The following BCL2L13 variants were observed in gnomAD, a reference collection of about 807,000 sequenced individuals.
The protein encoded by BCL2L13 is bcl-2-like protein 13.
Under a neutral mutation model 25.8 loss-of-function variants are expected in BCL2L13, and 13 were observed. That is an observed-to-expected ratio of 0.50 (90% CI 0.33 to 0.80). BCL2L13 has a LOEUF of 0.80. Among genes scored for constraint, BCL2L13 ranks in the 30% least tolerant of loss-of-function variants. The probability of loss-of-function intolerance (pLI) is 0.02; values close to 1 mark genes in which losing one functional copy is unlikely to be tolerated. For synonymous variants in BCL2L13, 244 were observed against 230.3 expected, an observed-to-expected ratio of 1.06 and a Z score of -0.54; for missense variants, 504 against 574.9, an observed-to-expected ratio of 0.88 and a Z score of 1.26.
At chr22:17,715,384 G>A (rs1416710543) in intron 6 of BCL2L13, among the ~76,000 whole-genome samples, 1 of 150,008 alleles carries the variant, frequency 6.7e-6, no homozygotes, top group Non-Finnish European at 1.5e-5. Flanking sequence ...ATCTCACTGT[G>A]TCACCCAGGG....
intron 2 of BCL2L13, among the ~76,000 whole-genome samples, chr22:17,658,380 G>A (rs1053576612): frequency 1.3e-5 from 2 of 152,062 alleles, no homozygotes; most frequent in Non-Finnish European, 1.5e-5. Context: ...ATTACCAGAG[G>A]TTTTTCTTAG....
chr22:17,690,837 A>T (rs900689778), intron 4 of BCL2L13, among the ~76,000 whole-genome samples: 1 of 152,156 alleles, frequency 6.6e-6, no homozygotes. Context: ...AAATATAAAT[A>T]TGGAGAGAAG....
At chr22:17,673,393 A>G (rs1343307907) in intron 2 of BCL2L13, among the ~76,000 whole-genome samples, 2 of 131,028 alleles carry the variant, frequency 1.5e-5, no homozygotes, top group East Asian at 4.3e-4. Context: ...ACAGAGCCTC[A>G]CTCCGTCACT....
At chr22:17,720,668 A>ATTT (rs752609758) in intron 6 of BCL2L13, among the ~76,000 whole-genome samples, 1 of 138,330 alleles carries the variant, frequency 7.2e-6, no homozygotes, top group Non-Finnish European at 1.6e-5. Context: ...CCCGGCCTTA[A>ATTT]TTTTTTTTTT....
intron 5 of BCL2L13, among the ~76,000 whole-genome samples, chr22:17,701,445 A>G (rs902971208): frequency 4.6e-5 from 7 of 152,220 alleles, no homozygotes; most frequent in African/African-American, 1.4e-4. Flanking sequence ...AGACATATAT[A>G]TATGTGTATA....
chr22:17,639,254 G>C (rs1246349833), intron 1 of BCL2L13, among the ~76,000 whole-genome samples: 3 of 152,124 alleles, frequency 2.0e-5, no homozygotes, highest in Non-Finnish European at 4.4e-5. Flanking sequence ...ACTTCTTTTT[G>C]GTTGAGGGAA....
chr22:17,651,981 C>T (rs925153935), intron 1 of BCL2L13, among the ~76,000 whole-genome samples: 2 of 152,078 alleles, frequency 1.3e-5, no homozygotes, highest in Admixed American at 6.6e-5. Context: ...TGAGCCACCA[C>T]CCCTGACTTC....
chr22:17,631,130 A>T (rs889566465), intron 1 of BCL2L13, among the ~76,000 whole-genome samples: 3 of 150,152 alleles, frequency 2.0e-5, no homozygotes, highest in Non-Finnish European at 4.4e-5. Flanking sequence ...GAGACAGAAG[A>T]GTGTCGCTCA....
chr22:17,696,834 A>G (rs1239566338), intron 5 of BCL2L13, among the ~76,000 whole-genome samples: 1 of 152,138 alleles, frequency 6.6e-6, no homozygotes, highest in Non-Finnish European at 1.5e-5. Context: ...CATGTTGCTT[A>G]TCTATTATCT....
At chr22:17,660,245 C>T (rs539650121) in intron 2 of BCL2L13, among the ~76,000 whole-genome samples, 22 of 146,418 alleles carry the variant, frequency 1.5e-4, no homozygotes, top group African/African-American at 4.4e-4. Context: ...GGTTTATTTC[C>T]GGATTTTTTT....
chr22:17,729,035 T>G lies in BCL2L13; in HGVS notation c.*1501T>G, dbSNP rs1218494276. On this transcript the variant is annotated 3_prime_UTR_variant, in exon 7 of 7. Coordinates refer to ENST00000317582, the MANE Select transcript of BCL2L13 (RefSeq NM_015367.4). ...CGTCACTATGCAGGGCACACGTGGC[T>G]TGGTTTAAAAAGGTCATCTTAGATT... The G allele has an allele frequency of 1.3e-5, 2 of 152,256 alleles. No homozygotes were observed. Among genetic ancestry groups the G allele is most frequent in the African/African-American group, 2.4e-5 (1 of 41,470 alleles). 9.4% of individuals were successfully genotyped at this position (152,256 alleles called of 1,614,324 possible).
chr22:17,684,937 T>TTAC (rs1471912468), intron 3 of BCL2L13, among the ~76,000 whole-genome samples: 2 of 152,122 alleles, frequency 1.3e-5, no homozygotes, highest in Admixed American at 1.3e-4. Context: ...TTTCAGCGTG[T>TTAC]TAGCCAGGAT....
chr22:17,679,527 C>T (rs1226578709), intron 2 of BCL2L13, among the ~76,000 whole-genome samples: 1 of 151,782 alleles, frequency 6.6e-6, no homozygotes, highest in Non-Finnish European at 1.5e-5. Flanking sequence ...GCCTTGGCCT[C>T]CTGAAGTGCT....
chr22:17,701,080 G>A (rs1227071765), intron 5 of BCL2L13, among the ~76,000 whole-genome samples: 3 of 151,822 alleles, frequency 2.0e-5, no homozygotes, highest in African/African-American at 4.8e-5. Flanking sequence ...TGAATACTTA[G>A]TTTTTTTCAA....
chr22:17,724,301 A>T (rs1376387406), intron 6 of BCL2L13, among the ~76,000 whole-genome samples: 1 of 152,192 alleles, frequency 6.6e-6, no homozygotes, highest in Non-Finnish European at 1.5e-5. Context: ...AATCTTATCT[A>T]GTCAGTCATC....
At chr22:17,651,453 C>T (rs909049199) in intron 1 of BCL2L13, among the ~76,000 whole-genome samples, 2 of 151,470 alleles carry the variant, frequency 1.3e-5, no homozygotes, top group Non-Finnish European at 2.9e-5. Context: ...CCGATCTCAG[C>T]TTACTGCAAG....
chr22:17,640,807 T>C (rs1421087834), intron 1 of BCL2L13, among the ~76,000 whole-genome samples: 1 of 151,854 alleles, frequency 6.6e-6, no homozygotes, highest in Non-Finnish European at 1.5e-5. Context: ...TGAGCTGTGA[T>C]TGCTCCACTG....
At chr22:17,686,189 C>CT (rs1300099845) in intron 3 of BCL2L13, among the ~76,000 whole-genome samples, 1 of 151,964 alleles carries the variant, frequency 6.6e-6, no homozygotes, top group Admixed American at 6.6e-5. Flanking sequence ...GGTGCGGTGC[C>CT]TGTAGTCCCA....
chr22:17,694,627 C>A (rs1371029699), intron 4 of BCL2L13, among the ~76,000 whole-genome samples: 4 of 151,966 alleles, frequency 2.6e-5, no homozygotes, highest in Non-Finnish European at 5.9e-5. Flanking sequence ...GTTTTTTCTT[C>A]CTCATTGAAA....
Sources: gnomAD v4.1 joint callset for allele counts (sites outside exome capture counted in the v4.1 genomes callset) on GRCh38, gnomAD v4.1.1 for gene constraint, MANE v1.5 for transcripts, NCBI Gene and HGNC (gene_info 2026-07-23, HGNC 2026-07-21) for gene names.